PSCA: variants seen among roughly 807,000 people sequenced by gnomAD.
PSCA encodes the protein prostate stem cell antigen.
A neutral mutation model predicts 7.9 loss-of-function variants in PSCA; 7 were observed. The observed-to-expected ratio is 0.89, with a 90% CI of 0.51 to 1.67. PSCA has a LOEUF of 1.67. PSCA is among the 40% of genes most tolerant of loss of function. The pLI, the probability that PSCA is intolerant of heterozygous loss-of-function variation, is 0.00. For missense variants in PSCA, 151 were observed against 147.9 expected, an observed-to-expected ratio of 1.02 and a Z score of -0.11; for synonymous variants, 61 against 68.3, an observed-to-expected ratio of 0.89 and a Z score of 0.53.
At chr8:142,677,636 CAG>C (rs1341469562), upstream of PSCA, among the ~76,000 whole-genome samples, 3 of 152,194 alleles carry the variant, frequency 2.0e-5, no homozygotes, top group East Asian at 1.9e-4. Flanking sequence ...GAGGATGGGA[CAG>C]GGGCTGTCAG....
At chr8:142,678,579 G>A (rs1260314724), upstream of PSCA, among the ~76,000 whole-genome samples, 1 of 152,238 alleles carries the variant, frequency 6.6e-6, no homozygotes, top group African/African-American at 2.4e-5. Context: ...CAGAACCCGG[G>A]GGACAGGAGA....
Position 142,682,056 on chromosome 8 carries a change from C to A in PSCA, c.269C>A (p.Ala90Asp). The A allele has an allele frequency of 6.2e-7, 1 of 1,611,514 alleles. No individual in the cohort carries two copies. The highest frequency in any genetic ancestry group is 8.5e-7 in the Non-Finnish European group (1 of 1,179,786). ...TDLCNASGAH[A>D]LQPAAAILAL... ...TTGTGCAACGCCAGCGGGGCCCATG[C>A]CCTGCAGCCGGCTGCTGCCATCCTT... The change falls in exon 3 of 3, where the codon GCC becomes GAC. Residue 90 changes from alanine (A) to aspartate (D), a missense_variant. Physicochemically the swap from Ala to Asp is moderately radical, Grantham distance 126. Transcript: ENST00000301258.
chr8:142,674,088 GA>G (rs1453754831), intron 1 of PSCA, among the ~76,000 whole-genome samples: 17 of 139,234 alleles, frequency 1.2e-4, no homozygotes, highest in Admixed American at 5.2e-4. Context: ...TCTTCCTAAT[GA>G]ATAACGGCTG....
upstream of PSCA, among the ~76,000 whole-genome samples, chr8:142,678,693 C>T (rs1449491891): frequency 6.7e-6 from 1 of 149,608 alleles, no homozygotes; most frequent in Non-Finnish European, 1.5e-5. Flanking sequence ...AGGGCCATAG[C>T]CACTGCCACC....
At chr8:142,678,552 A>G (rs1442789983), upstream of PSCA, among the ~76,000 whole-genome samples, 1 of 152,244 alleles carries the variant, frequency 6.6e-6, no homozygotes, top group Admixed American at 6.5e-5. Context: ...GGGAGAGCAC[A>G]GTGACCAGAG....
upstream of PSCA, chr8:142,680,278 C>T: frequency 1.9e-6 from 1 of 539,338 alleles, no homozygotes; most frequent in Non-Finnish European, 3.4e-6. Context: ...AGCCCTCAGC[C>T]CGGGGTGGCT....
At chr8:142,671,208 A>C (rs1847319818) in intron 1 of PSCA, among the ~76,000 whole-genome samples, 1 of 152,228 alleles carries the variant, frequency 6.6e-6, no homozygotes, top group African/African-American at 2.4e-5. Flanking sequence ...GGGAGTTAGG[A>C]AGCCAAGTGA....
At chr8:142,680,851 T>C (rs1485050169) in intron 1 of PSCA, 4 of 560,870 alleles carry the variant, frequency 7.1e-6, no homozygotes, top group Non-Finnish European at 1.3e-5. Flanking sequence ...GTAGACAGAC[T>C]GACGGATGGA....
In PSCA at chr8:142,682,538, C is replaced by T. The variant is rs1554638597; in HGVS notation, c.*406C>T. The T allele has an allele frequency of 6.5e-6, 3 of 458,318 alleles. No homozygotes were observed. Among genetic ancestry groups the T allele is most frequent in the South Asian group, 5.1e-5 (3 of 59,180 alleles). 28.4% of individuals were successfully genotyped at this position (458,318 alleles called of 1,614,324 possible). A position where few individuals can be genotyped will look rare whatever the true frequency, so the allele number is the denominator to read the frequency against. On this transcript the variant is annotated 3_prime_UTR_variant, in exon 3 of 3. Transcript: ENST00000301258. ...GCAGGGGACAGGCACTCAGGAGGGC[C>T]CGGTAAAGGCTGAGATGAAGTGGAC...
At chr8:142,680,984 C>T (rs1305354571) in intron 1 of PSCA, 3 of 447,286 alleles carry the variant, frequency 6.7e-6, no homozygotes, top group Non-Finnish European at 1.2e-5. Context: ...GGGTCTACAT[C>T]CGGCCCAGTC....
At chr8:142,671,249 G>C (rs986223804) in intron 1 of PSCA, among the ~76,000 whole-genome samples, 4 of 152,174 alleles carry the variant, frequency 2.6e-5, no homozygotes, top group Non-Finnish European at 5.9e-5. Flanking sequence ...GGAGAGAAAA[G>C]GAAATGTGAC....
In PSCA at chr8:142,681,986, GACT is replaced by G. The variant is rs1462658281; in HGVS notation, c.205_207del (p.Tyr69del). The G allele has an allele frequency of 6.2e-7, 1 of 1,609,806 alleles. No homozygotes were observed. Among genetic ancestry groups the G allele is most frequent in the Non-Finnish European group, 8.5e-7 (1 of 1,178,254 alleles). On this transcript the variant is annotated inframe_deletion, in exon 3 of 3. Transcript: ENST00000301258. ...CTTGAACTGCGTGGATGACTCACAG[GACT>G]ACTACGTGGGCAAGAAGAACATCAC... is the stretch of plus-strand genomic sequence containing the variant.
At chr8:142,674,630 A>T (rs1259550973) in intron 1 of PSCA, among the ~76,000 whole-genome samples, 1 of 152,230 alleles carries the variant, frequency 6.6e-6, no homozygotes, top group Non-Finnish European at 1.5e-5. Context: ...TAAAACTTTT[A>T]CAAAGGCAGT....
At chr8:142,681,032 C>T in intron 1 of PSCA, 2 of 478,484 alleles carry the variant, frequency 4.2e-6, no homozygotes, top group Non-Finnish European at 7.6e-6. Flanking sequence ...GGGAGCTGCT[C>T]TGCTTGAGGT....
chr8:142,681,541 C>T (rs373484049), intron 2 of PSCA, 107 bp downstream of exon 2: 27 of 981,760 alleles, frequency 2.8e-5, no homozygotes, highest in Middle Eastern at 2.0e-4. Flanking sequence ...CACCTGTCCC[C>T]GACCCGTCCC....
At chr8:142,675,212 G>A (rs1563803246) in intron 1 of PSCA, among the ~76,000 whole-genome samples, 1 of 152,216 alleles carries the variant, frequency 6.6e-6, no homozygotes, top group Non-Finnish European at 1.5e-5. Flanking sequence ...CAGGAAGGGG[G>A]AGTGGCAGGA....
At chr8:142,681,218 C>T in intron 1 of PSCA, 109 bp from the exon 2 acceptor site, 6 of 742,514 alleles carry the variant, frequency 8.1e-6, no homozygotes, top group Non-Finnish European at 1.3e-5. Flanking sequence ...CAAGAGGGCG[C>T]CGAGGACTTC....
upstream of PSCA, chr8:142,680,224 T>C: frequency 2.3e-6 from 1 of 428,468 alleles, no homozygotes; most frequent in Non-Finnish European, 4.3e-6. Flanking sequence ...CACTGTGAGG[T>C]GGGGGAGGTG....
upstream of PSCA, among the ~76,000 whole-genome samples, chr8:142,677,115 C>T (rs369330238): frequency 1.7e-4 from 26 of 152,144 alleles, no homozygotes; most frequent in African/African-American, 2.9e-4. Context: ...AACCAGGGCT[C>T]GTTAGGTAAC....
Sources: gnomAD v4.1 joint callset for allele counts (sites outside exome capture counted in the v4.1 genomes callset) on GRCh38, gnomAD v4.1.1 for gene constraint, MANE v1.5 for transcripts, NCBI Gene and HGNC (gene_info 2026-07-23, HGNC 2026-07-21) for gene names.